SLX4IP: variants seen among roughly 807,000 people sequenced by gnomAD.
SLX4IP encodes the protein SLX4 interacting protein.
SLX4IP carries 34 observed loss-of-function variants against 32.9 expected under a neutral mutation model. The ratio of observed to expected loss-of-function variants is 1.03; its 90% CI spans 0.79 to 1.38. SLX4IP has a LOEUF of 1.38. SLX4IP is among the 40% of genes most tolerant of loss of function. The pLI is 0.00. For missense variants in SLX4IP, 444 were observed against 479.0 expected (o/e 0.93, Z 0.68); for synonymous variants, 172 against 171.7 (o/e 1.00, Z -0.01).
chr20:10,497,371 A>T (rs1165066026), intron 2 of SLX4IP, among the ~76,000 whole-genome samples: 1 of 152,164 alleles, frequency 6.6e-6, no homozygotes, highest in African/African-American at 2.4e-5. Context: ...TACAACTTTA[A>T]AAAAATCCCT....
intron 6 of SLX4IP, among the ~76,000 whole-genome samples, chr20:10,612,609 G>A (rs2066980074): frequency 5.3e-5 from 8 of 152,138 alleles, no homozygotes. Context: ...GCAGTGGCGT[G>A]ACCTCGGCTC....
chr20:10,570,905 T>C (rs857000), intron 4 of SLX4IP, among the ~76,000 whole-genome samples: 90,034 of 152,078 alleles, frequency 0.59, 27,051 homozygotes, highest in South Asian at 0.76. Context: ...TCGTGGCTCA[T>C]GGCAGCCTCA....
intron 6 of SLX4IP, among the ~76,000 whole-genome samples, chr20:10,604,939 G>A (rs1397541683): frequency 6.6e-6 from 1 of 152,042 alleles, no homozygotes; most frequent in African/African-American, 2.4e-5. Flanking sequence ...CCTTTATTTG[G>A]TTTGTTTTTT....
intron 6 of SLX4IP, among the ~76,000 whole-genome samples, chr20:10,611,330 A>T (rs1218779916): frequency 6.6e-6 from 1 of 152,232 alleles, no homozygotes; most frequent in African/African-American, 2.4e-5. Context: ...GGCCAACTCA[A>T]AGCAGCTTAG....
intron 2 of SLX4IP, among the ~76,000 whole-genome samples, chr20:10,551,188 A>G (rs1279908444): frequency 6.6e-6 from 1 of 152,232 alleles, no homozygotes; most frequent in Admixed American, 6.5e-5. Flanking sequence ...TGGAATTCTT[A>G]GGAAAGAGAT....
chr20:10,451,043 TGCCCGGCAG>T (rs2065237388), intron 1 of SLX4IP, among the ~76,000 whole-genome samples: 1 of 151,392 alleles, frequency 6.6e-6, no homozygotes, highest in Admixed American at 6.6e-5. Context: ...TGAGCCACCG[TGCCCGGCAG>T]GCCTAGTGTT....
At chr20:10,526,561 T>C (rs2065941868) in intron 2 of SLX4IP, among the ~76,000 whole-genome samples, 1 of 152,226 alleles carries the variant, frequency 6.6e-6, no homozygotes, top group African/African-American at 2.4e-5. Flanking sequence ...TAGGCTTCTG[T>C]ATTTGTTTCC....
At chr20:10,566,842 A>T (rs1201094588) in intron 4 of SLX4IP, among the ~76,000 whole-genome samples, 2 of 152,158 alleles carry the variant, frequency 1.3e-5, no homozygotes, top group African/African-American at 4.8e-5. Context: ...GCCTTCCTGA[A>T]GTCTGTGGAT....
At chr20:10,611,850 G>GA (rs1370579290) in intron 6 of SLX4IP, among the ~76,000 whole-genome samples, 1 of 152,164 alleles carries the variant, frequency 6.6e-6, no homozygotes, top group East Asian at 1.9e-4. Context: ...TAGTGACCAA[G>GA]AGAGGACTGG....
intron 5 of SLX4IP, among the ~76,000 whole-genome samples, chr20:10,600,646 G>A (rs938128027): frequency 6.6e-6 from 1 of 151,990 alleles, no homozygotes; most frequent in Non-Finnish European, 1.5e-5. Context: ...GCTTCCAAGC[G>A]GTGCATCAAA....
At position 10,560,807 on chromosome 20, in the gene SLX4IP, C is replaced by T; in HGVS notation, c.225C>T (p.Pro75=). ...ATGCAGAATTCACAAGATCCAATCC[C>T]TTGTCCTTAAAAGGTAGGCACAGAG... is the stretch of plus-strand genomic sequence containing the variant. The part of the protein sequence containing the change: ...PSNAEFTRSN[P]LSLKGYGFQI... Residue 75 remains proline, a synonymous_variant, in exon 4 of 8, where the codon CCC becomes CCT. Coordinates refer to ENST00000334534, the MANE Select transcript of SLX4IP (RefSeq NM_001009608.3). The T allele has an allele frequency of 6.2e-7, 1 of 1,600,836 alleles. No homozygotes were observed.
intron 2 of SLX4IP, among the ~76,000 whole-genome samples, chr20:10,459,959 A>G (rs2065322628): frequency 6.6e-6 from 1 of 152,218 alleles, no homozygotes; most frequent in South Asian, 2.1e-4. Context: ...AGTTGGCCAG[A>G]TTAGATACTA....
intron 2 of SLX4IP, among the ~76,000 whole-genome samples, chr20:10,512,574 A>G (rs1174641689): frequency 1.4e-5 from 2 of 143,734 alleles, no homozygotes; most frequent in Admixed American, 1.4e-4. Flanking sequence ...TTATATATAT[A>G]TAGGTGTGTG....
chr20:10,527,477 C>CA (rs1434551862), intron 2 of SLX4IP, among the ~76,000 whole-genome samples: 2 of 152,190 alleles, frequency 1.3e-5, no homozygotes, highest in Non-Finnish European at 2.9e-5. Context: ...AGAATCCTCT[C>CA]AGTGTATTCA....
chr20:10,549,441 G>T (rs748725193), intron 2 of SLX4IP, among the ~76,000 whole-genome samples: 1 of 152,184 alleles, frequency 6.6e-6, no homozygotes, highest in African/African-American at 2.4e-5. Flanking sequence ...AATCCCTGGT[G>T]CAGTCACCAG....
At chr20:10,518,707 A>G (rs1290184142) in intron 2 of SLX4IP, among the ~76,000 whole-genome samples, 1 of 151,904 alleles carries the variant, frequency 6.6e-6, no homozygotes, top group African/African-American at 2.4e-5. Context: ...AGCTGGGACC[A>G]TGGGTGGGAG....
chr20:10,471,884 C>A (rs889503265), intron 2 of SLX4IP, among the ~76,000 whole-genome samples: 5 of 152,202 alleles, frequency 3.3e-5, no homozygotes, highest in Admixed American at 1.3e-4. Flanking sequence ...TCTCATCACT[C>A]AGTAATCTGG....
intron 2 of SLX4IP, among the ~76,000 whole-genome samples, chr20:10,475,486 T>C (rs2065468466): frequency 1.3e-5 from 2 of 152,218 alleles, no homozygotes; most frequent in Admixed American, 1.3e-4. Flanking sequence ...ATCAGTGTGC[T>C]ATTGAGCTGG....
intron 7 of SLX4IP, among the ~76,000 whole-genome samples, chr20:10,621,729 A>G (rs111283156): frequency 6.6e-6 from 1 of 152,128 alleles, no homozygotes; most frequent in Non-Finnish European, 1.5e-5. Context: ...CTTTCCTAGG[A>G]TCCTTGTTCC....
Sources: gnomAD v4.1 joint callset for allele counts (sites outside exome capture counted in the v4.1 genomes callset) on GRCh38, gnomAD v4.1.1 for gene constraint, MANE v1.5 for transcripts, NCBI Gene and HGNC (gene_info 2026-07-23, HGNC 2026-07-21) for gene names.